The following ABCC6 variants were observed in gnomAD, a reference collection of about 807,000 sequenced individuals.
The protein encoded by ABCC6 is ATP binding cassette subfamily C member 6.
Under a neutral mutation model 169.5 loss-of-function variants are expected in ABCC6, and 126 were observed. The observed-to-expected ratio is 0.74, with a 90% confidence interval of 0.64 to 0.86. ABCC6 has a LOEUF of 0.86. Among genes scored for constraint, ABCC6 ranks in the 40% least tolerant of loss-of-function variants. ABCC6 has a pLI of 0.00. For synonymous variants in ABCC6, 752 were observed against 814.7 expected (o/e 0.92, Z 1.31); for missense variants, 1,733 against 1,927.2 (o/e 0.90, Z 1.89).
At chr16:16,165,968 G>A in intron 22 of ABCC6, 35 bp from the exon 23 acceptor site, 1 of 1,604,102 alleles carries the variant, frequency 6.2e-7, no homozygotes, top group Non-Finnish European at 8.5e-7. Context: ...CATGAGGGCT[G>A]GAGACCCTCA....
At chr16:16,152,621 A>C (rs1344073048) in intron 29 of ABCC6, among the ~76,000 whole-genome samples, 1 of 151,610 alleles carries the variant, frequency 6.6e-6, no homozygotes, top group Non-Finnish European at 1.5e-5. Flanking sequence ...CAATCCTTGC[A>C]AGGTAGGTAG....
chr16:16,163,522 G>A (rs1392204627), intron 23 of ABCC6, among the ~76,000 whole-genome samples: 1 of 152,292 alleles, frequency 6.6e-6, no homozygotes, highest in African/African-American at 2.4e-5. Flanking sequence ...AGCCAGGGTT[G>A]AGAAACCACC....
At chr16:16,164,990 G>T (rs1449228103) in intron 23 of ABCC6, among the ~76,000 whole-genome samples, 1 of 152,186 alleles carries the variant, frequency 6.6e-6, no homozygotes. Flanking sequence ...CCCAGCAATT[G>T]AAAGAATCTA....
intron 20 of ABCC6, among the ~76,000 whole-genome samples, chr16:16,175,084 G>A (rs140987084): frequency 6.6e-6 from 1 of 152,084 alleles, no homozygotes; most frequent in Non-Finnish European, 1.5e-5. Context: ...CAGCCTTAAT[G>A]TGTCTACTGG....
chr16:16,182,865 G>A lies in ABCC6; in HGVS notation c.2009C>T (p.Ser670Phe). 4 of 1,614,026 alleles carry A rather than the reference G, an allele frequency of 2.5e-6. No individual in the cohort carries two copies. The highest frequency in any genetic ancestry group is 3.4e-6 in the Non-Finnish European group (4 of 1,179,990). Residue 670 changes from serine (S) to phenylalanine (F), a missense_variant, in exon 16 of 31, where the codon TCC becomes TTC. This residue lies in a region of ABCC6 where 1,601 missense variants were observed against 1,635.5 expected (regional missense o/e 0.98). Coordinates refer to ENST00000205557, the MANE Select transcript of ABCC6 (RefSeq NM_001171.6). ...AVVGPVGAGK[S>F]SLLSALLGEL... ...CCCAAGGAGGGCGGACAGCAGGGAG[G>A]ACTTCCCTGCCCCCACTGGACCGAC...
At chr16:16,204,857 CAG>C (rs1200172538) in intron 7 of ABCC6, among the ~76,000 whole-genome samples, 1 of 142,212 alleles carries the variant, frequency 7.0e-6, no homozygotes, top group East Asian at 2.0e-4. Context: ...TTTTTTGAGA[CAG>C]AGTTTCGCTC....
At chr16:16,196,209 C>CA (rs35287964) in intron 10 of ABCC6, among the ~76,000 whole-genome samples, 48,009 of 131,510 alleles carry the variant, frequency 0.37, 8,876 homozygotes, top group Non-Finnish European at 0.42. Flanking sequence ...GACTCTGTCT[C>CA]AAAAAAAAAA....
intron 15 of ABCC6, among the ~76,000 whole-genome samples, 199 bp downstream of exon 15, chr16:16,184,760 T>C (rs1176459381): frequency 6.6e-6 from 1 of 151,914 alleles, no homozygotes; most frequent in East Asian, 1.9e-4. Flanking sequence ...GAGATACTGG[T>C]CTATGCTGTG....
rs1043221682 is a variant in ABCC6, at chr16:16,198,243, G to A, written c.1177-61C>T. The A allele has an allele frequency of 6.5e-6, 10 of 1,536,712 alleles. No homozygotes were observed. In the African/African-American group the frequency reaches 1.4e-4, roughly 21 times the overall value. Reference sequence around the variant, plus strand: ...GAGGCCGGGGCAGAGGGATGCCCCAGGTGGCTTCTCCACCCACTGAGCCCC... The same window carrying A: ...GAGGCCGGGGCAGAGGGATGCCCCAAGTGGCTTCTCCACCCACTGAGCCCC... On this transcript the variant is annotated intron_variant, in intron 9 of 30. Transcript: ENST00000205557.
At chr16:16,204,616 T>C (rs558184748) in intron 7 of ABCC6, among the ~76,000 whole-genome samples, 1 of 149,500 alleles carries the variant, frequency 6.7e-6, no homozygotes, top group East Asian at 2.0e-4. Flanking sequence ...GAGGAGGAGA[T>C]GGGGGAGGCC....
Position 16,182,891 on chromosome 16 carries a change from A to G in ABCC6, c.1983T>C (p.Val661=), listed in dbSNP as rs1236248093. 6.2e-7 allele frequency: 1 copy of G among 1,613,912 alleles called. No homozygotes were observed. The highest frequency in any genetic ancestry group is 1.3e-5 in the African/African-American group (1 of 74,870). The change falls in exon 16 of 31, where the codon GTT becomes GTC. Residue 661 remains valine (V), a synonymous_variant. Transcript: ENST00000205557. ...ACTTCCCTGCCCCCACTGGACCGAC[A>G]ACAGCCAGCAGACAGCCCTGGGGCA... is the stretch of plus-strand genomic sequence containing the variant. ...LTVPQGCLLA[V]VGPVGAGKSS...
Position 16,188,842 on chromosome 16 carries a change from A to T in ABCC6, c.1768T>A (p.Ser590Thr). ...TGCACCCACCTCACCTGGACGAGGG[A>T]GTGGATGGAGAAGGGCAGGAAAGCC... is the stretch of plus-strand genomic sequence containing the variant. ...AQAFLPFSIH[S>T]LVQARVSFDR... Residue 590 changes from serine (S) to threonine (T), a missense_variant, in exon 13 of 31, where the codon TCC becomes ACC. Physicochemically the swap from Ser to Thr is moderately conservative, Grantham distance 58 (BLOSUM62 1). Around this residue, in one of 5 missense-constraint regions of ABCC6, gnomAD observed 1,601 missense variants for 1,635.5 expected, o/e 0.98. Transcript: ENST00000205557. 6.2e-7 allele frequency: 1 copy of T among 1,613,822 alleles called. No homozygotes were observed. The highest frequency in any genetic ancestry group is 8.5e-7 in the Non-Finnish European group (1 of 1,179,936).
chr16:16,149,997 C>T lies in ABCC6; in HGVS notation c.*136G>A. On this transcript the variant is annotated 3_prime_UTR_variant, in exon 31 of 31. Coordinates refer to ENST00000205557, the MANE Select transcript of ABCC6 (RefSeq NM_001171.6). The stretch of plus-strand genomic sequence containing the variant: ...TGTGATAATTGGCCACTTTCTCTGC[C>T]ATTTTCCTCCCAGAGAGCAAACACA... The T allele has an allele frequency of 7.4e-7, 1 of 1,359,694 alleles. No homozygotes were observed. The highest frequency in any genetic ancestry group is 2.5e-5 in the East Asian group (1 of 39,972). 84.2% of individuals were successfully genotyped at this position (1,359,694 alleles called of 1,614,324 possible). A position where few individuals can be genotyped will look rare whatever the true frequency, so the allele number is the denominator to read the frequency against.
At chr16:16,207,255 G>T (rs1375909911) in intron 7 of ABCC6, among the ~76,000 whole-genome samples, 1 of 152,246 alleles carries the variant, frequency 6.6e-6, no homozygotes, top group Non-Finnish European at 1.5e-5. Context: ...GGGACCACCA[G>T]TCATGGCACC....
chr16:16,216,647 G>C (rs1000116891), intron 4 of ABCC6, among the ~76,000 whole-genome samples: 6 of 149,888 alleles, frequency 4.0e-5, no homozygotes, highest in Admixed American at 2.0e-4. Flanking sequence ...TCATGGGAGT[G>C]CAGAGATCTC....
chr16:16,150,546 G>A (rs527620533), intron 30 of ABCC6, 32 bp downstream of exon 30: 3 of 1,599,994 alleles, frequency 1.9e-6, no homozygotes, highest in Admixed American at 1.7e-5. Flanking sequence ...CTGCAGGGCT[G>A]CTGTGAGGTC....
At chr16:16,187,802 T>C (rs2152267121) in intron 13 of ABCC6, among the ~76,000 whole-genome samples, 1 of 151,754 alleles carries the variant, frequency 6.6e-6, no homozygotes, top group East Asian at 1.9e-4. Context: ...GGCTGGGAGG[T>C]AGAAGCATCA....
chr16:16,214,088 G>T (rs1185915170), intron 5 of ABCC6, among the ~76,000 whole-genome samples: 2 of 152,024 alleles, frequency 1.3e-5, no homozygotes, highest in Non-Finnish European at 2.9e-5. Context: ...TTCTGCTTTT[G>T]CGTTCAATGG....
At chr16:16,173,950 ACT>A (rs760869387) in intron 20 of ABCC6, among the ~76,000 whole-genome samples, 19 of 151,912 alleles carry the variant, frequency 1.3e-4, no homozygotes, top group Non-Finnish European at 2.1e-4. Context: ...GATGCTAAAG[ACT>A]CTTTGAATGT....
Sources: gnomAD v4.1 joint callset for allele counts (sites outside exome capture counted in the v4.1 genomes callset) on GRCh38, gnomAD v4.1.1 for gene constraint, gnomAD v4.1.1 regional missense constraint, MANE v1.5 for transcripts, NCBI Gene and HGNC (gene_info 2026-07-23, HGNC 2026-07-21) for gene names.